Variants in BCL2L14 observed in about 807,000 individuals in gnomAD.
BCL2L14 encodes the protein BCL2 like 14.
In BCL2L14, 27 loss-of-function variants were observed where a neutral mutation model predicts 35.3. That is an observed-to-expected ratio of 0.76 (90% CI 0.56 to 1.05). The LOEUF is 1.05. Ranked by LOEUF, BCL2L14 falls within the 50% of genes least tolerant of loss-of-function variation. The pLI, the probability that BCL2L14 is intolerant of heterozygous loss-of-function variation, is 0.00. For synonymous variants in BCL2L14, 139 were observed against 145.9 expected (o/e 0.95, Z 0.34); for missense variants, 377 against 382.6 (o/e 0.99, Z 0.12).
upstream of BCL2L14, among the ~76,000 whole-genome samples, chr12:12,070,609 G>A (rs182729848): frequency 1.8e-3 from 271 of 152,058 alleles, 1 homozygote; most frequent in African/African-American, 5.7e-3. Context: ...CCCAGGAGGC[G>A]GAGGTTGCAG....
At chr12:12,083,402 G>C (rs1948971148) in intron 2 of BCL2L14, among the ~76,000 whole-genome samples, 1 of 152,210 alleles carries the variant, frequency 6.6e-6, no homozygotes, top group Admixed American at 6.5e-5. Context: ...AGGATGCAGA[G>C]AAATGGACAA....
intron 2 of BCL2L14, among the ~76,000 whole-genome samples, chr12:12,065,232 T>TA (rs1282423775): frequency 6.6e-6 from 1 of 152,006 alleles, no homozygotes; most frequent in Non-Finnish European, 1.5e-5. Context: ...TATAAATTTG[T>TA]AAAAAAGTGA....
chr12:12,091,680 G>A (rs1318783815), intron 4 of BCL2L14, among the ~76,000 whole-genome samples: 1 of 152,160 alleles, frequency 6.6e-6, no homozygotes. Flanking sequence ...TGACCCAGAG[G>A]GCGAAGCACC....
chr12:12,096,136 T>C, intron 5 of BCL2L14: 7 of 985,336 alleles, frequency 7.1e-6, no homozygotes, highest in Non-Finnish European at 8.4e-6. Flanking sequence ...CAGCACTTCA[T>C]GTTTGCACCA....
chr12:12,080,724 CCATCTGTA>C (rs916093624), intron 2 of BCL2L14, among the ~76,000 whole-genome samples: 1 of 152,026 alleles, frequency 6.6e-6, no homozygotes, highest in Non-Finnish European at 1.5e-5. Flanking sequence ...CTCTGTGTTT[CCATCTGTA>C]CATTGGGTAC....
chr12:12,090,607 T>G (rs1334940392), intron 3 of BCL2L14, among the ~76,000 whole-genome samples, 172 bp from the exon 4 acceptor site: 1 of 150,994 alleles, frequency 6.6e-6, no homozygotes, highest in Non-Finnish European at 1.5e-5. Context: ...CACTACAGCT[T>G]GGGCAACAAG....
At chr12:12,052,930 T>A (rs1356467336) in intron 2 of BCL2L14, among the ~76,000 whole-genome samples, 1 of 151,960 alleles carries the variant, frequency 6.6e-6, no homozygotes, top group East Asian at 1.9e-4. Context: ...GGGAGTGAGG[T>A]GTGTGTTTGG....
At chr12:12,051,847 C>T (rs922086147) in exon 2 of BCL2L14, 4 of 152,088 alleles carry the variant, frequency 2.6e-5, no homozygotes, top group African/African-American at 9.7e-5. Flanking sequence ...AAACAAAGAC[C>T]GTAAGTACTG....
chr12:12,071,486 C>A (rs2136729057), intron 1 of BCL2L14: 1 of 152,264 alleles, frequency 6.6e-6, no homozygotes, highest in Admixed American at 6.5e-5. Flanking sequence ...GACAGCCATT[C>A]CGTGGCCAGG....
intron 2 of BCL2L14, among the ~76,000 whole-genome samples, chr12:12,085,060 G>A (rs1591828058): frequency 6.7e-6 from 1 of 148,220 alleles, no homozygotes. Context: ...CTCCAGCCTG[G>A]GCAACAGAGC....
rs188304242 is a variant in BCL2L14, at chr12:12,053,508, C to T, written c.-272+1661C>T. Among the ~76,000 whole-genome samples the T allele has an allele frequency of 2.5e-3, 373 of 152,128 alleles. 1 individual carries two copies. The highest frequency in any genetic ancestry group is 8.1e-3 in the African/African-American group (336 of 41,488). On this transcript the variant is annotated intron_variant, in intron 2 of 3. Coordinates refer to the BCL2L14 transcript ENST00000461264. ...CAATCTCAGCTCACTGCAACCTCCA[C>T]CTCCCGGGTTCAAGCAATTCTCCTG...
chr12:12,076,565 T>C (rs1948785320), intron 1 of BCL2L14, among the ~76,000 whole-genome samples: 1 of 152,170 alleles, frequency 6.6e-6, no homozygotes. Flanking sequence ...GTAGTTGGTC[T>C]GGTGGGTTTT....
At chr12:12,077,237 A>G (rs1355543060) in intron 1 of BCL2L14, among the ~76,000 whole-genome samples, 1 of 152,178 alleles carries the variant, frequency 6.6e-6, no homozygotes, top group African/African-American at 2.4e-5. Context: ...CATTATTAAG[A>G]GCCATATTAA....
chr12:12,090,660 A>T, intron 3 of BCL2L14, 119 bp from the exon 4 acceptor site: 3 of 616,102 alleles, frequency 4.9e-6, no homozygotes, highest in Non-Finnish European at 8.1e-6. Context: ...AAAAAAAAAA[A>T]GAATTAGCAT....
Position 12,099,081 on chromosome 12 carries a change from G to T in BCL2L14, c.*93G>T. The T allele has an allele frequency of 1.1e-6, 1 of 894,096 alleles. No individual in the cohort carries two copies. The highest frequency in any genetic ancestry group is 1.4e-5 in the South Asian group (1 of 72,186). 55.4% of individuals were successfully genotyped at this position (894,096 alleles called of 1,614,324 possible). A position where few individuals can be genotyped will look rare whatever the true frequency, so the allele number is the denominator to read the frequency against. ...ACTACAGGAGATTACAACGTACAAGGCAGATGGAGCATTGACGTTTTCAAA... is the reference window on the plus strand; with the variant it reads ...ACTACAGGAGATTACAACGTACAAGTCAGATGGAGCATTGACGTTTTCAAA... On this transcript the variant is annotated 3_prime_UTR_variant, in exon 6 of 6. Coordinates refer to ENST00000308721, the MANE Select transcript of BCL2L14 (RefSeq NM_138723.2).
chr12:12,079,803 T>A, intron 2 of BCL2L14, 65 bp downstream of exon 2: 3 of 1,499,814 alleles, frequency 2.0e-6, no homozygotes, highest in Non-Finnish European at 2.7e-6. Flanking sequence ...TCCAGAGTGG[T>A]ACATCTCTTC....
chr12:12,079,423 CCTG>C lies in BCL2L14; in HGVS notation c.121_123del (p.Ala41del). The C allele has an allele frequency of 6.2e-7, 1 of 1,614,156 alleles. No homozygotes were observed. Among genetic ancestry groups the C allele is most frequent in the Non-Finnish European group, 8.5e-7 (1 of 1,180,020 alleles). On this transcript the variant is annotated inframe_deletion, in exon 2 of 6. Coordinates refer to ENST00000308721, the MANE Select transcript of BCL2L14 (RefSeq NM_138723.2). Reference sequence around the variant, plus strand: ...CAGACATCATGTCTTCAAGAGCACCCCTGCTCTCTTCTCACCAAAGCTGCTGAG... The same window carrying C: ...CAGACATCATGTCTTCAAGAGCACCCCTCTCTTCTCACCAAAGCTGCTGAG...
chr12:12,065,644 T>A (rs1451085751), intron 2 of BCL2L14, among the ~76,000 whole-genome samples: 1 of 151,962 alleles, frequency 6.6e-6, no homozygotes, highest in Non-Finnish European at 1.5e-5. Flanking sequence ...TAATGGAAGA[T>A]AAAGATTGCC....
At chr12:12,087,651 G>GCCCGCATTCAGCCTTGT (rs1452266972) in intron 3 of BCL2L14, among the ~76,000 whole-genome samples, 1 of 152,256 alleles carries the variant, frequency 6.6e-6, no homozygotes, top group Non-Finnish European at 1.5e-5. Flanking sequence ...GAAACACAAA[G>GCCCGCATTCAGCCTTGT]CCCGCATTCA....
Sources: gnomAD v4.1 joint callset for allele counts (sites outside exome capture counted in the v4.1 genomes callset) on GRCh38, gnomAD v4.1.1 for gene constraint, MANE v1.5 for transcripts, NCBI Gene and HGNC (gene_info 2026-07-23, HGNC 2026-07-21) for gene names.